UNKL: variants seen among roughly 807,000 people sequenced by gnomAD.
UNKL encodes the protein unk like zinc finger.
Under a neutral mutation model 78.0 loss-of-function variants are expected in UNKL, and 60 were observed. The ratio of observed to expected loss-of-function variants is 0.77; its 90% CI spans 0.63 to 0.95. The LOEUF is 0.95. UNKL is among the 40% of genes least tolerant of loss of function. UNKL has a pLI of 0.00. For missense variants in UNKL, 1,159 were observed against 1,045.7 expected (o/e 1.11, Z -1.49); for synonymous variants, 608 against 474.8 (o/e 1.28, Z -3.65).
chr16:1,388,372 C>T (rs1004738042), intron 9 of UNKL, among the ~76,000 whole-genome samples: 10 of 152,258 alleles, frequency 6.6e-5, no homozygotes, highest in East Asian at 1.9e-4. Context: ...GAATGCAGCA[C>T]CCTCAGAAGC....
chr16:1,412,713 T>C (rs2038096418), intron 2 of UNKL, among the ~76,000 whole-genome samples: 1 of 152,252 alleles, frequency 6.6e-6, no homozygotes, highest in East Asian at 1.9e-4. Context: ...TTCTACAGCG[T>C]GAATATTCTA....
At chr16:1,368,142 T>G in intron 12 of UNKL, 1 of 478,552 alleles carries the variant, frequency 2.1e-6, no homozygotes, top group South Asian at 2.6e-5. Context: ...AAATTCAAGT[T>G]CCTGGGACCA....
chr16:1,384,880 GCCAACTCC>G lies in UNKL; in HGVS notation c.1264+320_1264+327del, dbSNP rs542609241. ...TCCCACAGCGCTGGGAGCACAGGCGGCCAACTCCCACAACTCCCATCATCTGTCAACAA... is the reference window on the plus strand; with the variant it reads ...TCCCACAGCGCTGGGAGCACAGGCGGCACAACTCCCATCATCTGTCAACAA... On this transcript the variant is annotated intron_variant, in intron 10 of 14. Transcript: ENST00000389221. 3.1e-3 allele frequency among the ~76,000 whole-genome samples: 473 copies of G among 152,208 alleles called. 8 individuals carry two copies. Among genetic ancestry groups the G allele is most frequent in the East Asian group, 0.029 (151 of 5,170 alleles).
chr16:1,390,603 C>T (rs1164481147), intron 9 of UNKL, 29 bp downstream of exon 9: 7 of 1,535,186 alleles, frequency 4.6e-6, no homozygotes, highest in Middle Eastern at 1.7e-4. Context: ...ACATCAGGCA[C>T]GAGGGTGGGA....
Position 1,394,162 on chromosome 16 carries a change from G to A in UNKL, c.906C>T (p.Arg302=), listed in dbSNP as rs776085059. 2.4e-4 allele frequency: 377 copies of A among 1,550,614 alleles called. No homozygotes were observed. The highest frequency in any genetic ancestry group is 3.0e-4 in the Non-Finnish European group (347 of 1,147,026). ...CGTGTGCAAAGGCACAGAAGGGGCCGCGCGGGCAGTACCCGGTTTGGCGCA... is the reference window on the plus strand; with the variant it reads ...CGTGTGCAAAGGCACAGAAGGGGCCACGCGGGCAGTACCCGGTTTGGCGCA... ...NDMRQTGYCP[R]GPFCAFAHVE... is the part of the protein sequence containing the mutation. Residue 302 remains arginine (R), a synonymous_variant, in exon 7 of 15, where the codon CGC becomes CGT. Coordinates refer to ENST00000389221, the MANE Select transcript of UNKL (RefSeq NM_001372107.1).
chr16:1,379,004 G>C (rs563000763), intron 10 of UNKL: 2 of 152,274 alleles, frequency 1.3e-5, no homozygotes, highest in East Asian at 3.8e-4. Context: ...GGTGAGGCTG[G>C]TCACCTAAGC....
chr16:1,381,058 C>T (rs1006708321), intron 10 of UNKL, among the ~76,000 whole-genome samples: 9 of 152,074 alleles, frequency 5.9e-5, no homozygotes, highest in Non-Finnish European at 1.3e-4. Context: ...ACCTCAGATA[C>T]GAAAGAATGG....
At chr16:1,370,444 C>A in intron 11 of UNKL, 87 bp from the exon 12 acceptor site, 1 of 1,499,670 alleles carries the variant, frequency 6.7e-7, no homozygotes, top group Non-Finnish European at 8.8e-7. Flanking sequence ...GGAAGACGGA[C>A]CCTGCAGGTG....
intron 10 of UNKL, among the ~76,000 whole-genome samples, chr16:1,380,233 C>T (rs2036549041): frequency 6.6e-6 from 1 of 152,068 alleles, no homozygotes; most frequent in African/African-American, 2.4e-5. Flanking sequence ...TCTTCTATTC[C>T]GTGCTCCAGT....
At chr16:1,414,119 G>A in intron 1 of UNKL, 64 bp from the exon 2 acceptor site, 4 of 1,462,578 alleles carry the variant, frequency 2.7e-6, no homozygotes, top group South Asian at 1.3e-5. Context: ...GGACTCGTGG[G>A]CGGCGGGACC....
chr16:1,414,115 G>T, intron 1 of UNKL, 60 bp from the exon 2 acceptor site: 4 of 1,473,142 alleles, frequency 2.7e-6, no homozygotes, highest in Non-Finnish European at 2.7e-6. Context: ...ACTCGGACTC[G>T]TGGGCGGCGG....
intron 2 of UNKL, among the ~76,000 whole-genome samples, chr16:1,405,586 A>G (rs2037719283): frequency 6.6e-6 from 1 of 152,072 alleles, no homozygotes. Context: ...CAAAAAAAAA[A>G]AAGAAACTGG....
chr16:1,404,399 A>G (rs1296489203), intron 2 of UNKL, among the ~76,000 whole-genome samples: 1 of 152,198 alleles, frequency 6.6e-6, no homozygotes, highest in Non-Finnish European at 1.5e-5. Context: ...CACCAGGTCT[A>G]GCCCCATCCT....
chr16:1,411,485 T>A (rs1018309280), intron 2 of UNKL, among the ~76,000 whole-genome samples: 2 of 152,098 alleles, frequency 1.3e-5, no homozygotes, highest in Non-Finnish European at 2.9e-5. Context: ...TGAGCCGTGT[T>A]CATGCCCCTG....
rs750298381 is a variant in UNKL at position 1,367,768 on chromosome 16, G to C, written c.1676C>G (p.Ser559Cys). 1.3e-6 allele frequency: 2 copies of C among 1,573,894 alleles called. No individual in the cohort carries two copies. The highest frequency in any genetic ancestry group is 2.3e-5 in the East Asian group (1 of 42,790). Residue 559 changes from serine (S) to cysteine (C), a missense_variant, in exon 13 of 15, where the codon TCC becomes TGC. Physicochemically the swap from Ser to Cys is moderately radical, Grantham distance 112. Coordinates refer to ENST00000389221, the MANE Select transcript of UNKL (RefSeq NM_001372107.1). ...PSPILSAGPP[S>C]SSSASPNGAE... is the part of the protein sequence containing the mutation. Reference sequence around the variant, plus strand: ...TCCGTTTGGACTTGCACTCGAAGAGGATGGGGGGCCGGCACTCAGGATGGG... The same window carrying C: ...TCCGTTTGGACTTGCACTCGAAGAGCATGGGGGGCCGGCACTCAGGATGGG...
In UNKL at chr16:1,367,951, T is replaced by C. The variant is rs1596640325; in HGVS notation, c.1586-93A>G. The C allele has an allele frequency of 9.1e-6, 11 of 1,205,610 alleles. No homozygotes were observed. The East Asian group carries it at 2.3e-4, about 25-fold the overall frequency. The allele number at this position is 1,205,610 out of a possible 1,614,324, so 74.7% of individuals were successfully genotyped here. On this transcript the variant is annotated intron_variant, in intron 12 of 14. Coordinates refer to ENST00000389221, the MANE Select transcript of UNKL (RefSeq NM_001372107.1). ...CTATGCCCCAGGCCCCACCGCTACG[T>C]GGGCACCCTCTGGGGCTCACCTGCC... is the stretch of plus-strand genomic sequence containing the variant.
chr16:1,374,907 AG>A (rs1179970814), intron 10 of UNKL, among the ~76,000 whole-genome samples: 1 of 152,234 alleles, frequency 6.6e-6, no homozygotes, highest in Non-Finnish European at 1.5e-5. Flanking sequence ...GAAAGGCAGG[AG>A]GGTGACTTCT....
intron 8 of UNKL, among the ~76,000 whole-genome samples, chr16:1,390,981 G>A (rs1370753856): frequency 6.6e-6 from 1 of 152,072 alleles, no homozygotes; most frequent in East Asian, 1.9e-4. Context: ...AGTGAGCCGA[G>A]ATGGCACCAT....
chr16:1,388,644 C>G (rs2036916335), intron 9 of UNKL, among the ~76,000 whole-genome samples: 1 of 152,188 alleles, frequency 6.6e-6, no homozygotes, highest in Non-Finnish European at 1.5e-5. Context: ...GATGACGGGC[C>G]TGGTGTGGGA....
Sources: allele counts gnomAD v4.1 joint callset (sites outside exome capture counted in the v4.1 genomes callset), GRCh38; gene constraint gnomAD v4.1.1; transcripts MANE v1.5; gene names NCBI Gene and HGNC (gene_info 2026-07-23, HGNC 2026-07-21).